LYST: variants seen among roughly 807,000 people sequenced by gnomAD.
LYST encodes the protein lysosomal-trafficking regulator.
LYST carries 192 observed loss-of-function variants against 413.6 expected under a neutral mutation model. The ratio of observed to expected loss-of-function variants is 0.46; its 90% CI spans 0.41 to 0.52. The LOEUF (loss-of-function observed/expected upper bound fraction) is 0.52. Among genes scored for constraint, LYST ranks in the 20% least tolerant of loss-of-function variants. The pLI, the probability that LYST is intolerant of heterozygous loss-of-function variation, is 0.00. For synonymous variants in LYST, 1,525 were observed against 1,567.3 expected (o/e 0.97, Z 0.64); for missense variants, 3,815 against 4,499.9 (o/e 0.85, Z 4.35).
chr1:235,804,644 A>G lies in LYST; in HGVS notation c.3415T>C (p.Leu1139=). The change falls in exon 7 of 53, where the codon TTA becomes CTA. Residue 1139 remains leucine, a synonymous_variant. Transcript: ENST00000389793. ...PNQNLSVESI[L]FEMRDHLSQS... is the part of the protein sequence containing the mutation. ...GAAAGATGGTCCCTCATTTCAAATA[A>G]TATACTTTCCACAGACAAGTTCTAA... 1 of 1,606,766 alleles carries G rather than the reference A, an allele frequency of 6.2e-7. No homozygotes were observed. The highest frequency in any genetic ancestry group is 8.5e-7 in the Non-Finnish European group (1 of 1,173,880).
At chr1:235,862,155 T>C (rs1679953241) in intron 1 of LYST, among the ~76,000 whole-genome samples, 1 of 152,162 alleles carries the variant, frequency 6.6e-6, no homozygotes, top group Non-Finnish European at 1.5e-5. Context: ...AACAGGCCAG[T>C]TGATATGATA....
At chr1:235,735,662 G>T (rs1394300909) in intron 31 of LYST, 1 of 152,038 alleles carries the variant, frequency 6.6e-6, no homozygotes, top group African/African-American at 2.4e-5. Context: ...TTAGTTTTAT[G>T]ACATTTTAAA....
At chr1:235,775,134 G>A (rs766782240) in intron 17 of LYST, 48 bp from the exon 18 acceptor site, 12 of 1,417,206 alleles carry the variant, frequency 8.5e-6, no homozygotes, top group Admixed American at 6.7e-5. Flanking sequence ...TTTGCTGAGA[G>A]TAAAAATTTA....
At chr1:235,821,608 T>C (rs1032817584) in intron 3 of LYST, among the ~76,000 whole-genome samples, 1 of 152,378 alleles carries the variant, frequency 6.6e-6, no homozygotes, top group Non-Finnish European at 1.5e-5. Flanking sequence ...TAACAGTTTT[T>C]CTTGAATTAG....
rs150968361 is a variant in LYST at position 235,809,302 on chromosome 1, A to T, written c.1516T>A (p.Tyr506Asn). 6.2e-7 allele frequency: 1 copy of T among 1,614,026 alleles called. No individual in the cohort carries two copies. Among genetic ancestry groups the T allele is most frequent in the Non-Finnish European group, 8.5e-7 (1 of 1,179,994 alleles). Residue 506 changes from tyrosine to asparagine, a missense_variant, in exon 5 of 53, where the codon TAT becomes AAT. Tyr to Asn is a moderately radical substitution (Grantham distance 143). This residue lies in a region of LYST where 1,648 missense variants were observed against 1,810.3 expected (regional missense o/e 0.91). Transcript: ENST00000389793. The surrounding 1 kb of genome is among the most constrained non-coding windows in gnomAD (Gnocchi z 4.0). ...CGGTGATGATGCATAAAATGAGAAT[A>T]TTCACATCGTCTGTGCCTTTTTCTT... is the stretch of plus-strand genomic sequence containing the variant. Reference protein sequence around the residue: ...CTRKRHRRCEYSHFMHHHRDL... With the variant: ...CTRKRHRRCENSHFMHHHRDL...
intron 43 of LYST, 134 bp downstream of exon 43, chr1:235,711,923 T>C: frequency 1.7e-6 from 1 of 596,448 alleles, no homozygotes. Flanking sequence ...ATTATATACT[T>C]AATAAAAAAC....
chr1:235,812,446 G>T (rs1376431113), intron 4 of LYST, among the ~76,000 whole-genome samples: 3 of 151,404 alleles, frequency 2.0e-5, no homozygotes, highest in Non-Finnish European at 4.4e-5. Flanking sequence ...GGCTGAGGTT[G>T]CAGTGAGCCG....
chr1:235,873,989 G>T (rs1293664929), intron 1 of LYST, among the ~76,000 whole-genome samples: 4 of 152,174 alleles, frequency 2.6e-5, no homozygotes, highest in African/African-American at 7.2e-5. Flanking sequence ...AATAATATAA[G>T]TTCTCAGCAG....
At chr1:235,780,023 G>A (rs1669685074) in intron 16 of LYST, among the ~76,000 whole-genome samples, 2 of 151,886 alleles carry the variant, frequency 1.3e-5, no homozygotes, top group Admixed American at 1.3e-4. Context: ...ACAAAATATT[G>A]GAATAATATA....
At chr1:235,784,299 C>G (rs1220814048) in intron 14 of LYST, among the ~76,000 whole-genome samples, 1 of 152,134 alleles carries the variant, frequency 6.6e-6, no homozygotes, top group African/African-American at 2.4e-5. Context: ...TAACTTGTGC[C>G]AAATGGCAAA....
At chr1:235,748,206 T>C (rs1666111506) in intron 28 of LYST, among the ~76,000 whole-genome samples, 1 of 152,338 alleles carries the variant, frequency 6.6e-6, no homozygotes, top group Admixed American at 6.5e-5. Context: ...ACTGTGTGTA[T>C]GTGCGAGTGC....
At chr1:235,676,249 C>T (rs1659368739) in intron 50 of LYST, among the ~76,000 whole-genome samples, 1 of 152,158 alleles carries the variant, frequency 6.6e-6, no homozygotes, top group Non-Finnish European at 1.5e-5. Context: ...TATATTCAAG[C>T]TGGTCATCTG....
chr1:235,677,474 C>G lies in LYST; in HGVS notation c.10940+6G>C. 1 of 1,613,550 alleles carries G rather than the reference C, an allele frequency of 6.2e-7. No homozygotes were observed. Among genetic ancestry groups the G allele is most frequent in the Non-Finnish European group, 8.5e-7 (1 of 1,179,638 alleles). ...CTATGTTTGATTTGGAGACCTTCTT[C>G]TGTACCTGTTTAAATCCCATATGAT... On this transcript the variant is annotated splice_donor_region_variant and intron_variant, in intron 49 of 52. Transcript: ENST00000389793.
chr1:235,666,001 AG>A (rs1428486379), intron 50 of LYST, among the ~76,000 whole-genome samples: 3 of 151,940 alleles, frequency 2.0e-5, no homozygotes, highest in Non-Finnish European at 2.9e-5. Context: ...ATTACATATA[AG>A]TAGAGGCTTT....
At position 235,837,484 on chromosome 1, in the gene LYST, C is replaced by T. The variant is rs143925541; in HGVS notation, c.-97-3817G>A. 4.4e-3 allele frequency among the ~76,000 whole-genome samples: 671 copies of T among 151,766 alleles called. 7 individuals are homozygous for T. Among genetic ancestry groups the T allele is most frequent in the African/African-American group, 0.015 (626 of 41,382 alleles). On this transcript the variant is annotated intron_variant, in intron 1 of 52. Transcript: ENST00000389793. ...CTCTACTAAAAATACAAAAATTAGCCGGCATGGTGGTGCACACCTGTAATC... is the reference window on the plus strand; with the variant it reads ...CTCTACTAAAAATACAAAAATTAGCTGGCATGGTGGTGCACACCTGTAATC...
At chr1:235,717,286 G>A (rs1662929810) in intron 40 of LYST, among the ~76,000 whole-genome samples, 1 of 152,164 alleles carries the variant, frequency 6.6e-6, no homozygotes, top group Admixed American at 6.5e-5. Context: ...GCTGAGATTT[G>A]GAGACTGAGA....
At chr1:235,845,602 C>G (rs532584437) in intron 1 of LYST, among the ~76,000 whole-genome samples, 17 of 151,668 alleles carry the variant, frequency 1.1e-4, no homozygotes, top group African/African-American at 3.9e-4. Context: ...AGTTTTCAAG[C>G]CCATCTAGCC....
intron 1 of LYST, among the ~76,000 whole-genome samples, chr1:235,860,315 A>C (rs565488859): frequency 5.2e-4 from 79 of 152,294 alleles, no homozygotes; most frequent in Non-Finnish European, 6.0e-4. Flanking sequence ...AAACTGGTAC[A>C]TTTGTTATAA....
intron 44 of LYST, among the ~76,000 whole-genome samples, chr1:235,707,426 C>A (rs1230716995): frequency 1.3e-5 from 2 of 151,980 alleles, no homozygotes; most frequent in Non-Finnish European, 1.5e-5. Context: ...GAGTTTGAGA[C>A]CAGTCTGGCC....
Sources: allele counts gnomAD v4.1 joint callset (sites outside exome capture counted in the v4.1 genomes callset), GRCh38; gene constraint gnomAD v4.1.1; regional missense constraint gnomAD v4.1.1; non-coding constraint Gnocchi (gnomAD v3.1); transcripts MANE v1.5; gene names NCBI Gene and HGNC (gene_info 2026-07-23, HGNC 2026-07-21).